The following ACYP2 variants were observed in gnomAD, a reference collection of about 807,000 sequenced individuals.
The protein encoded by ACYP2 is acylphosphatase 2, also known as acylphosphatase-2.
ACYP2 carries 12 observed loss-of-function variants against 11.2 expected under a neutral mutation model. The ratio of observed to expected loss-of-function variants is 1.08; its 90% CI spans 0.69 to 1.74. ACYP2 has a LOEUF of 1.74. Ranked by LOEUF, ACYP2 falls within the 40% of genes most tolerant of loss-of-function variation. The pLI is 0.00. For missense variants in ACYP2, 134 were observed against 101.9 expected (o/e 1.31, Z -1.35); for synonymous variants, 43 against 32.2 (o/e 1.33, Z -1.13).
intron 6 of ACYP2, among the ~76,000 whole-genome samples, chr2:54,221,678 A>C (rs1685807987): frequency 6.6e-6 from 1 of 151,734 alleles, no homozygotes; most frequent in South Asian, 2.1e-4. Flanking sequence ...GTGCCACCAC[A>C]CCTGGCTAAT....
chr2:54,051,824 C>T, intron 3 of ACYP2: 1 of 364,024 alleles, frequency 2.7e-6, no homozygotes, highest in Non-Finnish European at 5.1e-6. Flanking sequence ...GCAGGAAAAT[C>T]ACCTGAGGTC....
At chr2:54,088,992 G>A (rs2103677777) in intron 4 of ACYP2, among the ~76,000 whole-genome samples, 1 of 152,318 alleles carries the variant, frequency 6.6e-6, no homozygotes, top group East Asian at 1.9e-4. Flanking sequence ...AGATAAGAAA[G>A]TAAGAAAGAT....
intron 2 of ACYP2, among the ~76,000 whole-genome samples, chr2:53,976,828 C>A (rs1191073199): frequency 6.6e-6 from 1 of 152,116 alleles, no homozygotes; most frequent in Non-Finnish European, 1.5e-5. Flanking sequence ...ATTTTTCTCT[C>A]ATTATTTTAG....
intron 2 of ACYP2, among the ~76,000 whole-genome samples, chr2:54,038,370 A>G (rs543850376): frequency 8.5e-5 from 13 of 152,114 alleles, no homozygotes; most frequent in African/African-American, 3.1e-4. Flanking sequence ...TTGCAAATAT[A>G]TCTTACTTTC....
At chr2:53,984,247 A>G (rs1318661936) in intron 2 of ACYP2, among the ~76,000 whole-genome samples, 8 of 152,216 alleles carry the variant, frequency 5.3e-5, no homozygotes, top group Non-Finnish European at 8.8e-5. Context: ...TGAGGAAATT[A>G]TAGCCCAGTC....
intron 6 of ACYP2, among the ~76,000 whole-genome samples, chr2:54,178,978 G>T (rs1379717976): frequency 6.6e-6 from 1 of 152,086 alleles, no homozygotes; most frequent in Non-Finnish European, 1.5e-5. Context: ...TGGAGGCTGG[G>T]ATATCCAAGA....
intron 6 of ACYP2, among the ~76,000 whole-genome samples, chr2:54,143,707 C>G (rs1282641626): frequency 7.6e-6 from 1 of 131,658 alleles, no homozygotes; most frequent in Non-Finnish European, 1.5e-5. Flanking sequence ...GCTGGGATTA[C>G]AGGCATGAGC....
chr2:54,147,537 T>C (rs1399097702), intron 6 of ACYP2, among the ~76,000 whole-genome samples: 1 of 152,176 alleles, frequency 6.6e-6, no homozygotes, highest in Non-Finnish European at 1.5e-5. Context: ...TCTTTCTTTT[T>C]GTTTTTAGGC....
chr2:54,256,214 C>G, intron 6 of ACYP2: 1 of 1,527,102 alleles, frequency 6.5e-7, no homozygotes, highest in Non-Finnish European at 8.8e-7. Flanking sequence ...CGTCAACGTT[C>G]CTCACACAAA....
intron 4 of ACYP2, among the ~76,000 whole-genome samples, chr2:54,104,752 T>C (rs1266386279): frequency 6.6e-6 from 1 of 152,222 alleles, no homozygotes; most frequent in Non-Finnish European, 1.5e-5. Flanking sequence ...AGAAGCTTTT[T>C]AACAACTGCT....
Position 54,119,861 on chromosome 2 carries a change from G to A in ACYP2, c.278-15592G>A, listed in dbSNP as rs60973940. Reference sequence around the variant, plus strand: ...ACATTTAGCCCCCTTGCCTCCTCAGGCTCCTTGAGGCTGTGACATTCTGTT... The same window carrying A: ...ACATTTAGCCCCCTTGCCTCCTCAGACTCCTTGAGGCTGTGACATTCTGTT... On this transcript the variant is annotated intron_variant, in intron 4 of 6. Transcript: ENST00000607452. Among the ~76,000 whole-genome samples the A allele has an allele frequency of 4.3e-3, 648 of 152,206 alleles. 22 individuals are homozygous for A. The East Asian group carries it at 0.061, about 14-fold the overall frequency.
chr2:54,049,497 C>T (rs1332282984), intron 2 of ACYP2, among the ~76,000 whole-genome samples: 1 of 152,152 alleles, frequency 6.6e-6, no homozygotes, highest in South Asian at 2.1e-4. Flanking sequence ...TGTCAAAATC[C>T]TCCCTTTTAA....
chr2:54,187,552 C>G (rs1684064567), intron 6 of ACYP2, among the ~76,000 whole-genome samples: 1 of 152,202 alleles, frequency 6.6e-6, no homozygotes, highest in African/African-American at 2.4e-5. Flanking sequence ...AAGAAGGTCA[C>G]AGACCAGAGC....
At chr2:54,129,541 A>G (rs1043563210) in intron 4 of ACYP2, among the ~76,000 whole-genome samples, 8 of 151,676 alleles carry the variant, frequency 5.3e-5, no homozygotes, top group African/African-American at 1.9e-4. Context: ...TATATGCATA[A>G]TGTCAATTTA....
At chr2:54,274,045 C>T (rs142712506) in intron 6 of ACYP2, among the ~76,000 whole-genome samples, 17 of 152,176 alleles carry the variant, frequency 1.1e-4, no homozygotes, top group Middle Eastern at 3.4e-3. Flanking sequence ...GTTTTCACAC[C>T]GCTGATAAAG....
intron 6 of ACYP2, among the ~76,000 whole-genome samples, chr2:54,237,756 T>G (rs372290129): frequency 6.6e-6 from 1 of 152,172 alleles, no homozygotes; most frequent in African/African-American, 2.4e-5. Context: ...TTGGTTTAAG[T>G]TTGGAGATCT....
chr2:54,295,225 G>A (rs997293494), intron 6 of ACYP2, among the ~76,000 whole-genome samples: 7 of 152,290 alleles, frequency 4.6e-5, no homozygotes, highest in Non-Finnish European at 7.3e-5. Context: ...GAATGGCACC[G>A]ATAAATGAAC....
intron 6 of ACYP2, among the ~76,000 whole-genome samples, chr2:54,143,558 C>T (rs563330127): frequency 8.9e-4 from 135 of 152,076 alleles, no homozygotes; most frequent in Middle Eastern, 3.4e-3. Flanking sequence ...CTCAGCCTCC[C>T]GAGTAGCTGG....
chr2:54,030,894 C>T (rs1454698977), intron 2 of ACYP2, among the ~76,000 whole-genome samples: 1 of 152,134 alleles, frequency 6.6e-6, no homozygotes, highest in Non-Finnish European at 1.5e-5. Context: ...GTCACTGAAG[C>T]TCTCCAACTT....
Sources: gnomAD v4.1 joint callset for allele counts (sites outside exome capture counted in the v4.1 genomes callset) on GRCh38, gnomAD v4.1.1 for gene constraint, MANE v1.5 for transcripts, NCBI Gene and HGNC (gene_info 2026-07-23, HGNC 2026-07-21) for gene names.